EPHB1: variants seen among roughly 807,000 people sequenced by gnomAD.
The protein encoded by EPHB1 is ephrin type-B receptor 1.
EPHB1 carries 30 observed loss-of-function variants against 94.4 expected under a neutral mutation model. The ratio of observed to expected loss-of-function variants is 0.32; its 90% confidence interval spans 0.24 to 0.43. EPHB1 has a LOEUF of 0.43. Among genes scored for constraint, EPHB1 ranks in the 20% least tolerant of loss-of-function variants. The probability of loss-of-function intolerance (pLI) is 1.00; values close to 1 mark genes in which losing one functional copy is unlikely to be tolerated. For missense variants in EPHB1, 1,055 were observed against 1,308.3 expected (o/e 0.81, Z 2.99); for synonymous variants, 522 against 489.1 (o/e 1.07, Z -0.89).
intron 3 of EPHB1, among the ~76,000 whole-genome samples, chr3:134,976,710 C>T (rs1227106972): frequency 1.3e-5 from 2 of 152,130 alleles, no homozygotes; most frequent in Non-Finnish European, 2.9e-5. Flanking sequence ...TGCAAAACTG[C>T]ACTCCAAATA....
At chr3:135,024,944 T>A (rs1936098776) in intron 3 of EPHB1, among the ~76,000 whole-genome samples, 1 of 152,022 alleles carries the variant, frequency 6.6e-6, no homozygotes, top group African/African-American at 2.4e-5. Flanking sequence ...TATTACTATA[T>A]GTATTATATA....
At chr3:135,056,286 G>A (rs531218271) in intron 3 of EPHB1, among the ~76,000 whole-genome samples, 59 of 152,288 alleles carry the variant, frequency 3.9e-4, no homozygotes, top group African/African-American at 1.4e-3. Flanking sequence ...CTCACCCTCC[G>A]TGGCCTCCTC....
intron 3 of EPHB1, among the ~76,000 whole-genome samples, chr3:134,968,097 A>C (rs1559776024): frequency 6.6e-6 from 1 of 152,242 alleles, no homozygotes; most frequent in East Asian, 1.9e-4. Context: ...AAGAGCTGGC[A>C]GCTTGAGTTG....
At chr3:134,820,790 A>G (rs996870783) in intron 1 of EPHB1, among the ~76,000 whole-genome samples, 2 of 152,154 alleles carry the variant, frequency 1.3e-5, no homozygotes, top group African/African-American at 4.8e-5. Flanking sequence ...GCTGTTCCCA[A>G]TGCTGGTCAA....
In EPHB1 at chr3:135,106,350, T is replaced by C. The variant is rs1168435885; in HGVS notation, c.806-98T>C. ...TTGGTACGAGAGGGGCATCTCAATG[T>C]TCTTTTTAGAGAGGAAGACACTCCT... On this transcript the variant is annotated intron_variant, in intron 3 of 15. Coordinates refer to ENST00000398015, the MANE Select transcript of EPHB1 (RefSeq NM_004441.5). 1.2e-5 allele frequency: 17 copies of C among 1,393,158 alleles called. 1 individual carries two copies. The highest frequency in any genetic ancestry group is 1.7e-5 in the Non-Finnish European group (17 of 1,000,402). 86.3% of individuals were successfully genotyped at this position (1,393,158 alleles called of 1,614,324 possible).
chr3:134,837,395 G>T (rs2036691788), intron 1 of EPHB1, among the ~76,000 whole-genome samples: 1 of 152,194 alleles, frequency 6.6e-6, no homozygotes, highest in Admixed American at 6.5e-5. Context: ...TATTGTCAAA[G>T]AATCCTTGAT....
intron 10 of EPHB1, among the ~76,000 whole-genome samples, chr3:135,183,026 T>TTTTCTTTTCTTTTCTTTTCTTTCTTTC (rs1553745483): frequency 1.3e-4 from 12 of 94,672 alleles, no homozygotes; most frequent in East Asian, 2.7e-4. Context: ...TTTTCTTTTC[T>TTTTCTTTTCTTTTCTTTTCTTTCTTTC]TTTCTTTCTT....
chr3:134,890,184 T>C (rs2037950694), intron 1 of EPHB1, among the ~76,000 whole-genome samples: 1 of 152,196 alleles, frequency 6.6e-6, no homozygotes, highest in Admixed American at 6.5e-5. Flanking sequence ...TCCATGCATT[T>C]TATTCATGTT....
chr3:135,217,344 A>G (rs907169010), intron 12 of EPHB1, among the ~76,000 whole-genome samples: 6 of 151,550 alleles, frequency 4.0e-5, no homozygotes, highest in African/African-American at 1.5e-4. Flanking sequence ...GAAAATGGTT[A>G]GGGTTAGGGG....
chr3:135,056,333 G>T (rs567539144), intron 3 of EPHB1, among the ~76,000 whole-genome samples: 2 of 152,186 alleles, frequency 1.3e-5, no homozygotes, highest in Admixed American at 6.5e-5. Context: ...GTCAGGCTGC[G>T]TCATCTCTCC....
At chr3:135,153,362 C>A (rs887855166) in intron 5 of EPHB1, among the ~76,000 whole-genome samples, 1 of 152,192 alleles carries the variant, frequency 6.6e-6, no homozygotes, top group African/African-American at 2.4e-5. Flanking sequence ...TATTTCCAGA[C>A]TGTTTTCATT....
In EPHB1 at chr3:135,068,733, C is replaced by A. The variant is rs540537863; in HGVS notation, c.806-37715C>A. Among the ~76,000 whole-genome samples, 5 of 151,574 alleles carry A rather than the reference C, an allele frequency of 3.3e-5. No individual in the cohort carries two copies. In the South Asian group the frequency reaches 1.0e-3, roughly 32 times the overall value. On this transcript the variant is annotated intron_variant, in intron 3 of 15. Coordinates refer to ENST00000398015, the MANE Select transcript of EPHB1 (RefSeq NM_004441.5). ...GCGCAATCTCTGCTCACTGCAAGCT[C>A]CACTTCCCAGGTTCGCGCCATTCTC...
chr3:135,156,637 GA>G (rs1559854892), intron 6 of EPHB1, among the ~76,000 whole-genome samples: 1 of 152,216 alleles, frequency 6.6e-6, no homozygotes. Flanking sequence ...AAGCAAGGTG[GA>G]GGATTAAGCG....
chr3:135,098,648 G>A (rs557999351), intron 3 of EPHB1, among the ~76,000 whole-genome samples: 46 of 151,378 alleles, frequency 3.0e-4, no homozygotes, highest in South Asian at 2.1e-4. Flanking sequence ...AAATAAGATC[G>A]TTGAATCAAA....
At chr3:135,047,408 C>A (rs150250393) in intron 3 of EPHB1, among the ~76,000 whole-genome samples, 7 of 152,316 alleles carry the variant, frequency 4.6e-5, no homozygotes, top group Non-Finnish European at 8.8e-5. Context: ...CCTGGCTTCT[C>A]AGAGGACCCA....
At chr3:135,082,367 T>C (rs1381597980) in intron 3 of EPHB1, among the ~76,000 whole-genome samples, 2 of 152,216 alleles carry the variant, frequency 1.3e-5, no homozygotes, top group African/African-American at 4.8e-5. Context: ...ATGATGACGA[T>C]GATAACGATG....
intron 3 of EPHB1, among the ~76,000 whole-genome samples, chr3:135,014,597 TG>T (rs1374739137): frequency 6.6e-6 from 1 of 152,222 alleles, no homozygotes; most frequent in East Asian, 1.9e-4. Context: ...TGCTGGTGGC[TG>T]GCACTGTGCT....
At chr3:134,842,514 A>T (rs571519240) in intron 1 of EPHB1, among the ~76,000 whole-genome samples, 43 of 152,166 alleles carry the variant, frequency 2.8e-4, no homozygotes, top group Non-Finnish European at 5.3e-4. Flanking sequence ...CCATTAGAAA[A>T]ACTAATTCTT....
intron 3 of EPHB1, among the ~76,000 whole-genome samples, chr3:135,093,468 G>A (rs779043472): frequency 6.6e-6 from 1 of 152,062 alleles, no homozygotes; most frequent in South Asian, 2.1e-4. Flanking sequence ...CTGTAATCCC[G>A]GCATTTTTGG....
Sources: allele counts gnomAD v4.1 joint callset (sites outside exome capture counted in the v4.1 genomes callset), GRCh38; gene constraint gnomAD v4.1.1; transcripts MANE v1.5; gene names NCBI Gene and HGNC (gene_info 2026-07-23, HGNC 2026-07-21).